The following IQCH variants were observed in gnomAD, a reference collection of about 807,000 sequenced individuals.
IQCH encodes the protein IQ domain-containing protein H.
In IQCH, 98 loss-of-function variants were observed where a neutral mutation model predicts 117.0. The observed-to-expected ratio is 0.84, with a 90% CI of 0.71 to 0.99. IQCH has a LOEUF of 0.99. Ranked by LOEUF, IQCH falls within the 50% of genes least tolerant of loss-of-function variation. IQCH has a pLI of 0.00. For missense variants in IQCH, 1,102 were observed against 1,243.8 expected, an observed-to-expected ratio of 0.89 and a Z score of 1.72; for synonymous variants, 412 against 448.2, an observed-to-expected ratio of 0.92 and a Z score of 1.02.
chr15:67,327,877 C>G (rs751116045), intron 4 of IQCH, among the ~76,000 whole-genome samples: 1 of 152,056 alleles, frequency 6.6e-6, no homozygotes, highest in Non-Finnish European at 1.5e-5. Context: ...TTGCAATTTC[C>G]TCATTTCTAT....
At chr15:67,277,825 G>A (rs1451541063) in intron 3 of IQCH, among the ~76,000 whole-genome samples, 1 of 152,096 alleles carries the variant, frequency 6.6e-6, no homozygotes, top group Non-Finnish European at 1.5e-5. Context: ...GAGCCACCGC[G>A]CCTGGCCCAG....
rs1310313821 is a variant in IQCH at position 67,496,015 on chromosome 15, T to C, written c.2970+1649T>C. 1.3e-5 allele frequency among the ~76,000 whole-genome samples: 2 copies of C among 152,178 alleles called. No homozygotes were observed. The highest frequency in any genetic ancestry group is 2.9e-5 in the Non-Finnish European group (2 of 68,026). On this transcript the variant is annotated intron_variant, in intron 20 of 20. Transcript: ENST00000335894. This position sits in a 1 kb window ranked among gnomAD's most constrained non-coding sequence, Gnocchi z 4.4. ...ATTTACCAGCAAAGTAAAGGCTAAA[T>C]AAAAATGGAAGGTGATTGAGGCTGG...
intron 12 of IQCH, among the ~76,000 whole-genome samples, chr15:67,392,641 G>A (rs1419388160): frequency 6.6e-6 from 1 of 152,050 alleles, no homozygotes; most frequent in African/African-American, 2.4e-5. Context: ...GCTGGGCATG[G>A]TGGCATGCAC....
Position 67,366,702 on chromosome 15 carries a change from A to G in IQCH, c.754-5409A>G, listed in dbSNP as rs1567130998. On this transcript the variant is annotated intron_variant, in intron 8 of 20. Transcript: ENST00000335894. This position sits in a 1 kb window ranked among gnomAD's most constrained non-coding sequence, Gnocchi z 4.4. The stretch of plus-strand genomic sequence containing the variant: ...ACTCTGACTTCCACTTTTAATTGGC[A>G]CTTAAGGATTACTTAGACAGTTTCT... 6.6e-6 allele frequency among the ~76,000 whole-genome samples: 1 copy of G among 152,088 alleles called. No homozygotes were observed. Among genetic ancestry groups the G allele is most frequent in the Non-Finnish European group, 1.5e-5 (1 of 68,020 alleles).
At chr15:67,256,336 G>A (rs1165719987) in intron 1 of IQCH, among the ~76,000 whole-genome samples, 1 of 152,130 alleles carries the variant, frequency 6.6e-6, no homozygotes, top group African/African-American at 2.4e-5. Context: ...GCTTATCTGA[G>A]GCTTTGATGT....
rs1412263791 is a variant in IQCH at position 67,496,695 on chromosome 15, A to AAGG, written c.2970+2332_2970+2334dup. ...CCTCATCTCTACTAAGAAGAAGAAGAAGGAGAAGGAGAAAAGAAGAAGAAA... is the reference window on the plus strand; with the variant it reads ...CCTCATCTCTACTAAGAAGAAGAAGAAGGAGGAGAAGGAGAAAAGAAGAAGAAA... On this transcript the variant is annotated intron_variant, in intron 20 of 20. Transcript: ENST00000335894. The surrounding 1 kb of genome is among the most constrained non-coding windows in gnomAD (Gnocchi z 4.4). Among the ~76,000 whole-genome samples the AAGG allele has an allele frequency of 6.6e-6, 1 of 152,102 alleles. No individual in the cohort carries two copies. Among genetic ancestry groups the AAGG allele is most frequent in the South Asian group, 2.1e-4 (1 of 4,822 alleles).
At position 67,443,207 on chromosome 15, in the gene IQCH, T is replaced by G. The variant is rs990263676; in HGVS notation, c.2505+21630T>G. ...CGGGGTTTCACCGTGTTAACCAGGA[T>G]GGTCTCGATCTCCTGAACTCGTCAT... On this transcript the variant is annotated intron_variant, in intron 16 of 20. Transcript: ENST00000335894. This position sits in a 1 kb window ranked among gnomAD's most constrained non-coding sequence, Gnocchi z 5.0. 6.6e-6 allele frequency among the ~76,000 whole-genome samples: 1 copy of G among 152,278 alleles called. No individual in the cohort carries two copies. The highest frequency in any genetic ancestry group is 1.9e-4 in the East Asian group (1 of 5,190).
Position 67,432,061 on chromosome 15 carries a change from C to A in IQCH, c.2505+10484C>A, listed in dbSNP as rs1349032214. 6.6e-6 allele frequency among the ~76,000 whole-genome samples: 1 copy of A among 152,052 alleles called. No individual in the cohort carries two copies. On this transcript the variant is annotated intron_variant, in intron 16 of 20. Transcript: ENST00000335894. The surrounding 1 kb of genome is among the most constrained non-coding windows in gnomAD (Gnocchi z 5.0). ...TCTCAAAAATAAATAAATAAATTAACTCTTATTTTAGATAATTGTGAACTT... is the reference window on the plus strand; with the variant it reads ...TCTCAAAAATAAATAAATAAATTAAATCTTATTTTAGATAATTGTGAACTT...
rs543274029 is a variant in IQCH, at chr15:67,406,639, T to G, written c.2097+6334T>G. The G allele has an allele frequency of 6.6e-6, 1 of 152,340 alleles. No individual in the cohort carries two copies. Among genetic ancestry groups the G allele is most frequent in the Non-Finnish European group, 1.5e-5 (1 of 68,024 alleles). 9.4% of individuals were successfully genotyped at this position (152,340 alleles called of 1,614,324 possible). Reference sequence around the variant, plus strand: ...ATAGTAAACTGCCTTTTAAGCAGAATGAGTGTTGGAACAGGCTAGTCATTC... The same window carrying G: ...ATAGTAAACTGCCTTTTAAGCAGAAGGAGTGTTGGAACAGGCTAGTCATTC... On this transcript the variant is annotated intron_variant, in intron 14 of 20. Transcript: ENST00000335894. This position sits in a 1 kb window ranked among gnomAD's most constrained non-coding sequence, Gnocchi z 4.5.
At position 67,369,944 on chromosome 15, in the gene IQCH, T is replaced by A. The variant is rs1046855870; in HGVS notation, c.754-2167T>A. 4.5e-4 allele frequency among the ~76,000 whole-genome samples: 68 copies of A among 152,332 alleles called. No homozygotes were observed. The highest frequency in any genetic ancestry group is 1.5e-3 in the African/African-American group (64 of 41,578). ...CAGTGCCTGAGTGGTCTGTTTGATG[T>A]CCAGGAGTATGTTTCCTTTGAGAGC... On this transcript the variant is annotated intron_variant, in intron 8 of 20. Coordinates refer to ENST00000335894, the MANE Select transcript of IQCH (RefSeq NM_001031715.3). The surrounding 1 kb of genome is among the most constrained non-coding windows in gnomAD (Gnocchi z 5.2).
Position 67,258,102 on chromosome 15 carries a change from G to A in IQCH, c.51+3155G>A, listed in dbSNP as rs568467362. On this transcript the variant is annotated intron_variant, in intron 1 of 20. Transcript: ENST00000335894. ...AAAAATTAGCTAGGTGTGGTGGCAG[G>A]CACCTGTAATCCCAGCTACTTGGGA... 1.1e-4 allele frequency among the ~76,000 whole-genome samples: 16 copies of A among 151,976 alleles called. No homozygotes were observed. In the East Asian group the frequency reaches 2.7e-3, roughly 26 times the overall value.
chr15:67,446,329 T>C (rs2082390260), intron 16 of IQCH, among the ~76,000 whole-genome samples: 1 of 152,232 alleles, frequency 6.6e-6, no homozygotes, highest in Non-Finnish European at 1.5e-5. Context: ...TTTACACTTA[T>C]CTGCCATGAC....
intron 16 of IQCH, among the ~76,000 whole-genome samples, chr15:67,440,941 G>T (rs992819136): frequency 6.6e-6 from 1 of 152,096 alleles, no homozygotes; most frequent in East Asian, 1.9e-4. Flanking sequence ...GTTTGCTGAC[G>T]ATATAATCAT....
chr15:67,494,434 A>T lies in IQCH; in HGVS notation c.2970+68A>T. 9.4e-7 allele frequency: 1 copy of T among 1,059,736 alleles called. No homozygotes were observed. Among genetic ancestry groups the T allele is most frequent in the South Asian group, 1.5e-5 (1 of 68,020 alleles). The allele number at this position is 1,059,736 out of a possible 1,614,324, so 65.6% of individuals were successfully genotyped here. Reference sequence around the variant, plus strand: ...AAGGGCTGAAAATACCTCATGCTGTATTGTAAACAAGTGCTAAACCATCTT... The same window carrying T: ...AAGGGCTGAAAATACCTCATGCTGTTTTGTAAACAAGTGCTAAACCATCTT... On this transcript the variant is annotated intron_variant, in intron 20 of 20. Transcript: ENST00000335894. This position sits in a 1 kb window ranked among gnomAD's most constrained non-coding sequence, Gnocchi z 5.5.
chr15:67,470,731 T>C lies in IQCH; in HGVS notation c.2677-4965T>C, dbSNP rs954021611. 2.6e-5 allele frequency among the ~76,000 whole-genome samples: 4 copies of C among 152,204 alleles called. No individual in the cohort carries two copies. In the East Asian group the frequency reaches 7.7e-4, roughly 29 times the overall value. ...ATTTAATTCTTTGAAATACATAATA[T>C]ATTCACATGGTTCAAAAGGCAAAAG... On this transcript the variant is annotated intron_variant, in intron 17 of 20. Transcript: ENST00000335894.
chr15:67,300,300 G>C (rs1966959908), intron 4 of IQCH, among the ~76,000 whole-genome samples: 1 of 151,984 alleles, frequency 6.6e-6, no homozygotes, highest in Admixed American at 6.6e-5. Flanking sequence ...TTTCACATTG[G>C]CTCCAGAATA....
In IQCH at chr15:67,340,440, A is replaced by AC. The variant is rs1596215664; in HGVS notation, c.508+3345_508+3346insC. 1.1e-4 allele frequency among the ~76,000 whole-genome samples: 15 copies of AC among 132,070 alleles called. 1 individual carries two copies. Among genetic ancestry groups the AC allele is most frequent in the East Asian group, 6.8e-4 (3 of 4,400 alleles). 86.6% of individuals were successfully genotyped at this position (132,070 alleles called of 152,430 possible). ...ATACTCCATCTCAAAAAAAAAAAAA[A>AC]AAAAAAAAAAAAAAAAAAAAAAAAC... On this transcript the variant is annotated intron_variant, in intron 5 of 20. Transcript: ENST00000335894.
At position 67,408,909 on chromosome 15, in the gene IQCH, CAT is replaced by C. The variant is rs1258219504; in HGVS notation, c.2098-8019_2098-8018del. 6.6e-6 allele frequency among the ~76,000 whole-genome samples: 1 copy of C among 152,134 alleles called. No individual in the cohort carries two copies. Among genetic ancestry groups the C allele is most frequent in the Non-Finnish European group, 1.5e-5 (1 of 68,030 alleles). The stretch of plus-strand genomic sequence containing the variant: ...AAATATTGCATGATCTTAGAACAGT[CAT>C]ATGTATTTACTTGATATCACTCTTA... On this transcript the variant is annotated intron_variant, in intron 14 of 20. Transcript: ENST00000335894. This position sits in a 1 kb window ranked among gnomAD's most constrained non-coding sequence, Gnocchi z 4.2.
intron 4 of IQCH, among the ~76,000 whole-genome samples, chr15:67,329,656 C>G (rs563621390): frequency 4.0e-5 from 6 of 151,840 alleles, no homozygotes; most frequent in Non-Finnish European, 5.9e-5. Context: ...TTTTGTGGAG[C>G]CTGGATCTCA....
Sources: gnomAD v4.1 joint callset for allele counts (sites outside exome capture counted in the v4.1 genomes callset) on GRCh38, gnomAD v4.1.1 for gene constraint, Gnocchi (gnomAD v3.1) non-coding constraint, MANE v1.5 for transcripts, NCBI Gene and HGNC (gene_info 2026-07-23, HGNC 2026-07-21) for gene names.